Variants in SHROOM3 observed in about 807,000 individuals in gnomAD.
SHROOM3 encodes the protein protein Shroom3.
Under a neutral mutation model 138.6 loss-of-function variants are expected in SHROOM3, and 47 were observed. The ratio of observed to expected loss-of-function variants is 0.34; its 90% CI spans 0.27 to 0.43. The LOEUF (loss-of-function observed/expected upper bound fraction) is 0.43, where lower values mean the gene tolerates loss of function less well. Among genes scored for constraint, SHROOM3 ranks in the 20% least tolerant of loss-of-function variants. SHROOM3 has a pLI of 1.00. For synonymous variants in SHROOM3, 1,062 were observed against 1,063.3 expected (o/e 1.00, Z 0.02); for missense variants, 2,491 against 2,596.5 (o/e 0.96, Z 0.88).
intron 2 of SHROOM3, among the ~76,000 whole-genome samples, chr4:76,629,961 A>G (rs1223946014): frequency 6.6e-6 from 1 of 152,210 alleles, no homozygotes; most frequent in Non-Finnish European, 1.5e-5. Flanking sequence ...TGAAATTTCC[A>G]TGGGAAGTTG....
intron 2 of SHROOM3, among the ~76,000 whole-genome samples, chr4:76,576,936 A>T (rs1223641666): frequency 6.6e-6 from 1 of 152,230 alleles, no homozygotes; most frequent in African/African-American, 2.4e-5. Flanking sequence ...GGTTAAAAAC[A>T]GTTTAAGCAA....
intron 1 of SHROOM3, among the ~76,000 whole-genome samples, chr4:76,507,542 T>TTC (rs1732237918): frequency 6.6e-6 from 1 of 150,552 alleles, no homozygotes. Flanking sequence ...TATCTCTCTT[T>TTC]TTTTTTTTTT....
chr4:76,731,023 T>G, intron 4 of SHROOM3, 88 bp downstream of exon 4: 2 of 1,553,710 alleles, frequency 1.3e-6, no homozygotes, highest in South Asian at 2.2e-5. Context: ...GTTTTGAGAA[T>G]GTTTTTTCTT....
At chr4:76,444,484 CTTTTTTTTTT>C (rs61655085) in intron 1 of SHROOM3, among the ~76,000 whole-genome samples, 1 of 60,166 alleles carries the variant, frequency 1.7e-5, no homozygotes, top group African/African-American at 6.6e-5. Context: ...CTCTTTCTTT[CTTTTTTTTTT>C]TTTTTTTTTT....
chr4:76,462,232 T>C (rs1262192148), intron 1 of SHROOM3, among the ~76,000 whole-genome samples: 2 of 151,840 alleles, frequency 1.3e-5, no homozygotes, highest in African/African-American at 2.4e-5. Context: ...CTACTAAACA[T>C]ACAAAAATGC....
intron 2 of SHROOM3, among the ~76,000 whole-genome samples, chr4:76,589,015 T>C (rs2110047706): frequency 6.6e-6 from 1 of 152,338 alleles, no homozygotes. Context: ...TCTCACACAA[T>C]TTTGCTTCTT....
rs1721732543 is a variant in SHROOM3 at position 76,754,385 on chromosome 4, G to T, written c.3902G>T (p.Gly1301Val). The change falls in exon 7 of 11, where the codon GGT becomes GTT. Residue 1301 changes from glycine to valine, a missense_variant. By Grantham distance (109) the Gly-to-Val change is moderately radical. Around this residue, in one of 4 missense-constraint regions of SHROOM3, gnomAD observed 1,733 missense variants for 1,661.6 expected, o/e 1.04. Transcript: ENST00000296043. ...LFHHLTPRWG[G>V]SGCKAIGDSS... Reference sequence around the variant, plus strand: ...CACCATCTCACCCCTCGTTGGGGTGGTTCAGGCTGCAAAGCCATTGGTGAT... The same window carrying T: ...CACCATCTCACCCCTCGTTGGGGTGTTTCAGGCTGCAAAGCCATTGGTGAT... 6.2e-7 allele frequency: 1 copy of T among 1,613,990 alleles called. No individual in the cohort carries two copies. The highest frequency in any genetic ancestry group is 1.3e-5 in the African/African-American group (1 of 74,906).
At chr4:76,720,644 G>A (rs1207876250) in intron 3 of SHROOM3, among the ~76,000 whole-genome samples, 3 of 140,296 alleles carry the variant, frequency 2.1e-5, no homozygotes, top group East Asian at 4.1e-4. Flanking sequence ...GCAGAGTCTC[G>A]TTCTGTTGCC....
chr4:76,437,488 T>G (rs1425052277), intron 1 of SHROOM3, among the ~76,000 whole-genome samples: 1 of 152,204 alleles, frequency 6.6e-6, no homozygotes. Flanking sequence ...GTCTTCATGG[T>G]TGCATGATGG....
At position 76,608,810 on chromosome 4, in the gene SHROOM3, G is replaced by C. The variant is rs867347124; in HGVS notation, c.323+53047G>C. Among the ~76,000 whole-genome samples the C allele has an allele frequency of 2.0e-5, 3 of 152,140 alleles. 1 individual carries two copies. In the South Asian group the frequency reaches 6.2e-4, roughly 32 times the overall value. On this transcript the variant is annotated intron_variant, in intron 2 of 10. Coordinates refer to ENST00000296043, the MANE Select transcript of SHROOM3 (RefSeq NM_020859.4). Reference sequence around the variant, plus strand: ...TTACCACTTAGTGGAATAACCTTGAGCAAGTTACTTCATCTCTTTGAGAAT... The same window carrying C: ...TTACCACTTAGTGGAATAACCTTGACCAAGTTACTTCATCTCTTTGAGAAT...
chr4:76,647,729 T>C lies in SHROOM3; in HGVS notation c.324-62427T>C, dbSNP rs1299829458. ...GGGCAACATGGTGAAACCCCATCTC[T>C]ACAGAAAAATACAAAAATTAGCTGG... On this transcript the variant is annotated intron_variant, in intron 2 of 10. Coordinates refer to ENST00000296043, the MANE Select transcript of SHROOM3 (RefSeq NM_020859.4). 2.0e-5 allele frequency among the ~76,000 whole-genome samples: 3 copies of C among 152,024 alleles called. No individual in the cohort carries two copies. In the East Asian group the frequency reaches 5.8e-4, roughly 29 times the overall value.
Position 76,739,940 on chromosome 4 carries a change from G to A in SHROOM3, c.1767G>A (p.Lys589=), listed in dbSNP as rs1721190485. The A allele has an allele frequency of 1.9e-6, 3 of 1,614,054 alleles. No individual in the cohort carries two copies. The African/African-American group carries it at 4.0e-5, about 22-fold the overall frequency. ...ACAGCCCACATTCCAATGAGAGAAA[G>A]AGCACCCACAGTAACAAACCATCTT... is the stretch of plus-strand genomic sequence containing the variant. ...QGNSPHSNER[K]STHSNKPSSH... Residue 589 remains lysine (K), a synonymous_variant, in exon 5 of 11, where the codon AAG becomes AAA. Transcript: ENST00000296043.
intron 5 of SHROOM3, among the ~76,000 whole-genome samples, chr4:76,746,817 T>TATC (rs1280718622): frequency 7.1e-6 from 1 of 141,360 alleles, no homozygotes; most frequent in Non-Finnish European, 1.5e-5. Context: ...TTATTATTAT[T>TATC]ATTATTATTA....
At chr4:76,541,419 AG>A (rs1560539203) in intron 1 of SHROOM3, among the ~76,000 whole-genome samples, 1 of 152,218 alleles carries the variant, frequency 6.6e-6, no homozygotes, top group African/African-American at 2.4e-5. Flanking sequence ...ATCTGAATGC[AG>A]CAGAAAAAGG....
intron 2 of SHROOM3, among the ~76,000 whole-genome samples, chr4:76,592,504 A>G (rs1734294902): frequency 6.6e-6 from 1 of 152,222 alleles, no homozygotes; most frequent in African/African-American, 2.4e-5. Flanking sequence ...TTCTGATCAA[A>G]GTTAATTGTT....
chr4:76,645,860 G>C (rs899100422), intron 2 of SHROOM3, among the ~76,000 whole-genome samples: 3 of 152,092 alleles, frequency 2.0e-5, no homozygotes, highest in African/African-American at 7.2e-5. Flanking sequence ...AAGAATTTCA[G>C]ATAAGGGTTA....
intron 2 of SHROOM3, chr4:76,586,233 G>C: frequency 1.0e-6 from 1 of 985,340 alleles, no homozygotes; most frequent in Non-Finnish European, 1.2e-6. Flanking sequence ...GCTAATCAGG[G>C]CAGCCCAGGT....
intron 2 of SHROOM3, among the ~76,000 whole-genome samples, chr4:76,694,495 C>G (rs966128015): frequency 2.0e-5 from 3 of 152,058 alleles, no homozygotes; most frequent in Non-Finnish European, 4.4e-5. Context: ...CTTGTTATTC[C>G]TTACTAAAAA....
intron 2 of SHROOM3, among the ~76,000 whole-genome samples, chr4:76,586,740 C>T (rs563966178): frequency 1.2e-4 from 18 of 152,196 alleles, no homozygotes; most frequent in Non-Finnish European, 1.6e-4. Flanking sequence ...TGATGAGAAG[C>T]TCAAATGATA....
Sources: allele counts gnomAD v4.1 joint callset (sites outside exome capture counted in the v4.1 genomes callset), GRCh38; gene constraint gnomAD v4.1.1; regional missense constraint gnomAD v4.1.1; transcripts MANE v1.5; gene names NCBI Gene and HGNC (gene_info 2026-07-23, HGNC 2026-07-21).